Variants in ARHGAP15 observed in about 807,000 individuals in gnomAD.
The protein encoded by ARHGAP15 is rho GTPase-activating protein 15.
In ARHGAP15, 51 loss-of-function variants were observed where a neutral mutation model predicts 63.7. The ratio of observed to expected loss-of-function variants is 0.80; its 90% CI spans 0.64 to 1.01. ARHGAP15 has a LOEUF of 1.01. Ranked by LOEUF, ARHGAP15 falls within the 50% of genes least tolerant of loss-of-function variation. The pLI is 0.00. For missense variants in ARHGAP15, 560 were observed against 564.6 expected, an observed-to-expected ratio of 0.99 and a Z score of 0.08; for synonymous variants, 191 against 193.8, an observed-to-expected ratio of 0.99 and a Z score of 0.12.
intron 8 of ARHGAP15, among the ~76,000 whole-genome samples, chr2:143,459,790 A>T (rs1316190226): frequency 6.6e-6 from 1 of 152,192 alleles, no homozygotes; most frequent in Admixed American, 6.5e-5. Context: ...TGTTTAAAAA[A>T]TCATGGTGTA....
chr2:143,417,859 C>T (rs1325029544), intron 6 of ARHGAP15, among the ~76,000 whole-genome samples: 1 of 152,170 alleles, frequency 6.6e-6, no homozygotes, highest in African/African-American at 2.4e-5. Context: ...CATAATATTA[C>T]ATGACTACTA....
chr2:143,257,334 G>A (rs1231644577), intron 6 of ARHGAP15, among the ~76,000 whole-genome samples: 1 of 152,054 alleles, frequency 6.6e-6, no homozygotes, highest in Non-Finnish European at 1.5e-5. Flanking sequence ...TTAGTGAAGG[G>A]AACCAAAATT....
chr2:143,499,939 T>C (rs886900272), intron 9 of ARHGAP15, among the ~76,000 whole-genome samples: 2 of 152,002 alleles, frequency 1.3e-5, no homozygotes, highest in African/African-American at 2.4e-5. Flanking sequence ...AAAAAACTTT[T>C]CTCCCCCTCC....
chr2:143,569,403 C>T (rs372085231), intron 11 of ARHGAP15, among the ~76,000 whole-genome samples: 14 of 152,052 alleles, frequency 9.2e-5, no homozygotes, highest in Admixed American at 2.0e-4. Flanking sequence ...CAGATGGAGA[C>T]GGGTGAGGTG....
intron 1 of ARHGAP15, among the ~76,000 whole-genome samples, chr2:143,141,105 T>A (rs1689343629): frequency 6.6e-6 from 1 of 152,096 alleles, no homozygotes; most frequent in South Asian, 2.1e-4. Flanking sequence ...CTGACCATGA[T>A]GAGCTGTATG....
At chr2:143,611,175 G>C (rs1698241076) in intron 11 of ARHGAP15, among the ~76,000 whole-genome samples, 1 of 151,950 alleles carries the variant, frequency 6.6e-6, no homozygotes, top group Admixed American at 6.5e-5. Context: ...TTGTTTGTTA[G>C]TTTTTTTAAT....
chr2:143,435,585 T>TC lies in ARHGAP15; in HGVS notation c.475-16_475-15insC, dbSNP rs761227160. The TC allele has an allele frequency of 5.5e-6, 8 of 1,465,716 alleles. No homozygotes were observed. Among genetic ancestry groups the TC allele is most frequent in the African/African-American group, 1.5e-5 (1 of 68,786 alleles). 90.8% of individuals were successfully genotyped at this position (1,465,716 alleles called of 1,614,324 possible). ...CTTTACCTGTCTATTTCTTTTTCTT[T>TC]TTTTTTTTTTTGCAGATCACAACAG... On this transcript the variant is annotated splice_polypyrimidine_tract_variant and intron_variant, in intron 6 of 13. Transcript: ENST00000295095.
At chr2:143,159,413 G>A (rs962940377) in intron 2 of ARHGAP15, among the ~76,000 whole-genome samples, 2 of 151,762 alleles carry the variant, frequency 1.3e-5, no homozygotes, top group Non-Finnish European at 2.9e-5. Context: ...GAGATTGTAG[G>A]GCTTGTCCAT....
At chr2:143,195,835 A>T (rs1055819338) in intron 2 of ARHGAP15, among the ~76,000 whole-genome samples, 3 of 152,164 alleles carry the variant, frequency 2.0e-5, no homozygotes, top group African/African-American at 7.2e-5. Context: ...CAGAGCTATG[A>T]GGAATGTTTC....
intron 6 of ARHGAP15, among the ~76,000 whole-genome samples, chr2:143,417,623 G>A (rs1688744403): frequency 6.6e-6 from 1 of 152,176 alleles, no homozygotes; most frequent in African/African-American, 2.4e-5. Context: ...AATGACTTGT[G>A]CAGGACTGAG....
chr2:143,254,096 A>G lies in ARHGAP15; in HGVS notation c.474+3496A>G, dbSNP rs887091429. On this transcript the variant is annotated intron_variant, in intron 6 of 13. Transcript: ENST00000295095. ...AGGGATAGAGTGAATAAAAAGATTT[A>G]TGTTCAAACCACATGTTTTAAACAT... 2.0e-5 allele frequency among the ~76,000 whole-genome samples: 3 copies of G among 152,282 alleles called. No homozygotes were observed. In the East Asian group the frequency reaches 5.8e-4, roughly 29 times the overall value.
intron 6 of ARHGAP15, among the ~76,000 whole-genome samples, chr2:143,416,762 T>C (rs1012911451): frequency 6.6e-6 from 1 of 151,850 alleles, no homozygotes; most frequent in Middle Eastern, 3.2e-3. Context: ...CAGACTGTCT[T>C]AGTCCTAGGC....
chr2:143,301,403 T>A (rs1012881005), intron 6 of ARHGAP15, among the ~76,000 whole-genome samples: 1 of 151,986 alleles, frequency 6.6e-6, no homozygotes, highest in Non-Finnish European at 1.5e-5. Flanking sequence ...ATTTATCATT[T>A]TCTTAAAGGT....
chr2:143,612,436 G>A (rs1698291766), intron 11 of ARHGAP15, among the ~76,000 whole-genome samples: 1 of 152,212 alleles, frequency 6.6e-6, no homozygotes, highest in Non-Finnish European at 1.5e-5. Context: ...TCCTGTGTGT[G>A]ATGCTGATAT....
chr2:143,355,809 G>C (rs1010657721), intron 6 of ARHGAP15, among the ~76,000 whole-genome samples: 1 of 152,138 alleles, frequency 6.6e-6, no homozygotes, highest in Non-Finnish European at 1.5e-5. Flanking sequence ...TGCACCTGAT[G>C]TTGCATGTTA....
chr2:143,579,799 G>C (rs1211111211), intron 11 of ARHGAP15, among the ~76,000 whole-genome samples: 1 of 151,776 alleles, frequency 6.6e-6, no homozygotes, highest in Non-Finnish European at 1.5e-5. Flanking sequence ...CAAGAATTAA[G>C]ATTCTGAACT....
At chr2:143,749,236 G>A (rs1410633215) in intron 13 of ARHGAP15, among the ~76,000 whole-genome samples, 1 of 152,190 alleles carries the variant, frequency 6.6e-6, no homozygotes, top group Non-Finnish European at 1.5e-5. Flanking sequence ...AGGCAGGACA[G>A]ATGAGTCCAC....
chr2:143,491,684 T>C (rs1692586143), intron 9 of ARHGAP15, among the ~76,000 whole-genome samples: 1 of 152,220 alleles, frequency 6.6e-6, no homozygotes, highest in African/African-American at 2.4e-5. Flanking sequence ...TTTCTATTTA[T>C]AGTTCTGGTG....
intron 6 of ARHGAP15, among the ~76,000 whole-genome samples, chr2:143,385,196 A>G (rs1687225211): frequency 6.6e-6 from 1 of 152,156 alleles, no homozygotes; most frequent in African/African-American, 2.4e-5. Context: ...TGTCTGCCTG[A>G]TCTAGGACCA....
Sources: gnomAD v4.1 joint callset for allele counts (sites outside exome capture counted in the v4.1 genomes callset) on GRCh38, gnomAD v4.1.1 for gene constraint, MANE v1.5 for transcripts, NCBI Gene and HGNC (gene_info 2026-07-23, HGNC 2026-07-21) for gene names.